The following SARM1 variants were observed in gnomAD, a reference collection of about 807,000 sequenced individuals.
SARM1 encodes sterile alpha and TIR motif containing 1.
In SARM1, 60 loss-of-function variants were observed where a neutral mutation model predicts 65.1. That is an observed-to-expected ratio of 0.92 (90% CI 0.75 to 1.14). The LOEUF is 1.14. SARM1 is among the 50% of genes most tolerant of loss of function. The pLI is 0.00. For synonymous variants in SARM1, 417 were observed against 465.4 expected (o/e 0.90, Z 1.34); for missense variants, 913 against 1,015.7 (o/e 0.90, Z 1.37).
intron 1 of SARM1, among the ~76,000 whole-genome samples, chr17:28,377,573 G>A (rs59005037): frequency 0.12 from 18,400 of 152,284 alleles, 1,333 homozygotes; most frequent in East Asian, 0.23. Context: ...GGCATGTTCC[G>A]GACTCAGGTA....
At chr17:28,391,206 A>G (rs1350992826) in intron 7 of SARM1, among the ~76,000 whole-genome samples, 1 of 152,216 alleles carries the variant, frequency 6.6e-6, no homozygotes, top group Non-Finnish European at 1.5e-5. Flanking sequence ...GGCAACCACT[A>G]CAAATCAAAG....
intron 1 of SARM1, among the ~76,000 whole-genome samples, chr17:28,377,053 G>T (rs1330371557): frequency 6.6e-6 from 1 of 152,194 alleles, no homozygotes; most frequent in Non-Finnish European, 1.5e-5. Context: ...GCCTCCCAAA[G>T]TGTTGGGATT....
At chr17:28,392,616 A>G (rs2068086219) in intron 7 of SARM1, among the ~76,000 whole-genome samples, 1 of 152,210 alleles carries the variant, frequency 6.6e-6, no homozygotes, top group Non-Finnish European at 1.5e-5. Context: ...TCGAGGCTTG[A>G]GTCAGAGGAC....
intron 2 of SARM1, among the ~76,000 whole-genome samples, chr17:28,383,581 C>G (rs576232393): frequency 4.6e-5 from 7 of 152,076 alleles, no homozygotes; most frequent in African/African-American, 1.4e-4. Flanking sequence ...GGATCTGGGC[C>G]GCAACCATGA....
In SARM1 at chr17:28,395,823, G is replaced by A. The variant is rs1442426709; in HGVS notation, c.1924-82G>A. ...CTGCCCTGGGCCCAGCCTCGGGCCA[G>A]TGGGCCTCCCAGCACCTGCCTGGCT... On this transcript the variant is annotated intron_variant, in intron 7 of 8. Coordinates refer to ENST00000585482, the MANE Select transcript of SARM1 (RefSeq NM_015077.4). 2.6e-6 allele frequency: 4 copies of A among 1,564,462 alleles called. No individual in the cohort carries two copies. In the East Asian group the frequency reaches 6.7e-5, roughly 26 times the overall value.
chr17:28,381,718 G>T lies in SARM1; in HGVS notation c.986G>T (p.Arg329Leu), dbSNP rs868933164. The T allele has an allele frequency of 1.3e-6, 2 of 1,554,394 alleles. No homozygotes were observed. The highest frequency in any genetic ancestry group is 1.4e-5 in the African/African-American group (1 of 73,022). The change falls in exon 2 of 9, where the codon CGC (arginine) becomes CTC (leucine). Residue 329 changes from arginine (R) to leucine (L), a missense_variant. Physicochemically the swap from Arg to Leu is moderately radical, Grantham distance 102. Coordinates refer to ENST00000585482, the MANE Select transcript of SARM1 (RefSeq NM_015077.4). ...GGCCGCGGGCCCGACGACCTGCAGC[G>T]CCTCGTGCCGTTGCTCGACTCTAAC... ...SQGRGPDDLQ[R>L]LVPLLDSNRL... is the part of the protein sequence containing the mutation.
In SARM1 at chr17:28,402,511, C is replaced by T. The variant is rs2068209928; in HGVS notation, c.*6225C>T. Reference sequence around the variant, plus strand: ...GACTGCCCTTGTCTGGGCTTGGCCACCTGCTAGCTCTCATGAATGAATGCT... The same window carrying T: ...GACTGCCCTTGTCTGGGCTTGGCCATCTGCTAGCTCTCATGAATGAATGCT... On this transcript the variant is annotated 3_prime_UTR_variant, in exon 9 of 9. Transcript: ENST00000585482. 1 of 523,816 alleles carries T rather than the reference C, an allele frequency of 1.9e-6. No homozygotes were observed. 32.4% of individuals were successfully genotyped at this position (523,816 alleles called of 1,614,324 possible).
At chr17:28,390,063 C>T (rs1230614281) in intron 7 of SARM1, among the ~76,000 whole-genome samples, 2 of 152,140 alleles carry the variant, frequency 1.3e-5, no homozygotes, top group African/African-American at 4.8e-5. Flanking sequence ...GTGATCAGGG[C>T]ACAGTTTGGT....
At chr17:28,381,949 AG>A in intron 2 of SARM1, 128 bp downstream of exon 2, 1 of 1,197,236 alleles carries the variant, frequency 8.4e-7, no homozygotes, top group Non-Finnish European at 1.1e-6. Flanking sequence ...ACAAAGGAGG[AG>A]CGGGCCAGTC....
chr17:28,372,561 G>A lies in SARM1; in HGVS notation c.470+59G>A. The stretch of plus-strand genomic sequence containing the variant: ...GCGTGGTGTGGACAGTTAAGCGCCT[G>A]CGTTCCCGTGTGCCTTGCGCCGTGC... On this transcript the variant is annotated intron_variant, in intron 1 of 8. Transcript: ENST00000585482. This position sits in a 1 kb window ranked among gnomAD's most constrained non-coding sequence, Gnocchi z 5.2. 2 of 1,355,200 alleles carry A rather than the reference G, an allele frequency of 1.5e-6. No individual in the cohort carries two copies. Among genetic ancestry groups the A allele is most frequent in the Non-Finnish European group, 2.0e-6 (2 of 1,014,894 alleles). The allele number at this position is 1,355,200 out of a possible 1,614,324, so 83.9% of individuals were successfully genotyped here.
chr17:28,400,476 G>T lies in SARM1; in HGVS notation c.*4190G>T. The T allele has an allele frequency of 8.0e-7, 1 of 1,242,834 alleles. No homozygotes were observed. Among genetic ancestry groups the T allele is most frequent in the Non-Finnish European group, 1.1e-6 (1 of 907,774 alleles). 77.0% of individuals were successfully genotyped at this position (1,242,834 alleles called of 1,614,324 possible). On this transcript the variant is annotated 3_prime_UTR_variant, in exon 9 of 9. Coordinates refer to ENST00000585482, the MANE Select transcript of SARM1 (RefSeq NM_015077.4). ...GATTAGGCAGCCATCTGCAAGGAGA[G>T]GGGCAACCTGGGACAAGACACCCAG... is the stretch of plus-strand genomic sequence containing the variant.
In SARM1 at chr17:28,385,502, A is replaced by G. The variant is rs1173412305; in HGVS notation, c.1630+227A>G. On this transcript the variant is annotated intron_variant, in intron 5 of 8. Coordinates refer to ENST00000585482, the MANE Select transcript of SARM1 (RefSeq NM_015077.4). This position sits in a 1 kb window ranked among gnomAD's most constrained non-coding sequence, Gnocchi z 4.5. ...GGTGGGAGGAAGGAGGCTATTAAACAGGCAAGCGGCCCCGGCAGGAAGCTA... is the reference window on the plus strand; with the variant it reads ...GGTGGGAGGAAGGAGGCTATTAAACGGGCAAGCGGCCCCGGCAGGAAGCTA... 1.1e-5 allele frequency: 6 copies of G among 555,478 alleles called. No homozygotes were observed. The highest frequency in any genetic ancestry group is 9.7e-5 in the African/African-American group (5 of 51,312). The allele number at this position is 555,478 out of a possible 1,614,324, so 34.4% of individuals were successfully genotyped here. A position where few individuals can be genotyped will look rare whatever the true frequency, so the allele number is the denominator to read the frequency against.
At chr17:28,390,900 G>T (rs1249851754) in intron 7 of SARM1, among the ~76,000 whole-genome samples, 1 of 152,180 alleles carries the variant, frequency 6.6e-6, no homozygotes, top group South Asian at 2.1e-4. Context: ...TATCACAGAT[G>T]AAGAAACTGA....
Position 28,381,743 on chromosome 17 carries a change from C to T in SARM1, c.1011C>T (p.Asn337=). 1.3e-6 allele frequency: 2 copies of T among 1,522,148 alleles called. No individual in the cohort carries two copies. Among genetic ancestry groups the T allele is most frequent in the African/African-American group, 1.4e-5 (1 of 71,720 alleles). 94.3% of individuals were successfully genotyped at this position (1,522,148 alleles called of 1,614,324 possible). The change falls in exon 2 of 9, where the codon AAC becomes AAT. Residue 337 remains asparagine, a synonymous_variant. Coordinates refer to ENST00000585482, the MANE Select transcript of SARM1 (RefSeq NM_015077.4). ...GCCTCGTGCCGTTGCTCGACTCTAA[C>T]CGCTTGGAGGCGCAGTGCATCGGGG... ...LQRLVPLLDS[N]RLEAQCIGAF... is the part of the protein sequence containing the mutation.
At position 28,393,446 on chromosome 17, in the gene SARM1, G is replaced by A. The variant is rs534646178; in HGVS notation, c.1924-2459G>A. On this transcript the variant is annotated intron_variant, in intron 7 of 8. Transcript: ENST00000585482. ...CACGCCTGTGGTCCCAGCTACTTGG[G>A]AGGCTGAGGTGGGAGGATGGCTTGA... 2.6e-5 allele frequency among the ~76,000 whole-genome samples: 4 copies of A among 152,168 alleles called. No homozygotes were observed. The East Asian group carries it at 7.7e-4, about 29-fold the overall frequency.
chr17:28,374,500 GCACTC>G (rs1298089487), intron 1 of SARM1, among the ~76,000 whole-genome samples: 1 of 152,056 alleles, frequency 6.6e-6, no homozygotes, highest in Non-Finnish European at 1.5e-5. Context: ...GCGCGCCACT[GCACTC>G]CAGCCTTGGC....
At chr17:28,376,296 C>G (rs576088459) in intron 1 of SARM1, among the ~76,000 whole-genome samples, 13 of 151,482 alleles carry the variant, frequency 8.6e-5, no homozygotes, top group Non-Finnish European at 1.8e-4. Flanking sequence ...CGGTGGCTCA[C>G]GCCTGTAATC....
chr17:28,399,794 T>C lies in SARM1; in HGVS notation c.*3508T>C. 1 of 1,460,736 alleles carries C rather than the reference T, an allele frequency of 6.8e-7. No homozygotes were observed. 90.5% of individuals were successfully genotyped at this position (1,460,736 alleles called of 1,614,324 possible). A position where few individuals can be genotyped will look rare whatever the true frequency, so the allele number is the denominator to read the frequency against. ...TCTGGAGAAGTGACACAGGATTTAC[T>C]GGGGTGGGCTGGTCCAGGTAGCTCT... On this transcript the variant is annotated 3_prime_UTR_variant, in exon 9 of 9. Coordinates refer to ENST00000585482, the MANE Select transcript of SARM1 (RefSeq NM_015077.4).
rs771221934 is a variant in SARM1, at chr17:28,402,731, TC to T, written c.*6448del. On this transcript the variant is annotated 3_prime_UTR_variant, in exon 9 of 9. Coordinates refer to ENST00000585482, the MANE Select transcript of SARM1 (RefSeq NM_015077.4). ...GGTACTTACCCTCTCTGATCCTGAC[TC>T]CCTGTATGAGGAAGATAATAAGGCC... is the stretch of plus-strand genomic sequence containing the variant. 45 of 166,326 alleles carry T rather than the reference TC, an allele frequency of 2.7e-4. No individual in the cohort carries two copies. Among genetic ancestry groups the T allele is most frequent in the Admixed American group, 6.5e-4 (11 of 16,854 alleles). 10.3% of individuals were successfully genotyped at this position (166,326 alleles called of 1,614,324 possible).
Sources: gnomAD v4.1 joint callset for allele counts (sites outside exome capture counted in the v4.1 genomes callset) on GRCh38, gnomAD v4.1.1 for gene constraint, Gnocchi (gnomAD v3.1) non-coding constraint, MANE v1.5 for transcripts, NCBI Gene and HGNC (gene_info 2026-07-23, HGNC 2026-07-21) for gene names.